The following FBXL4 variants were observed in gnomAD, a reference collection of about 807,000 sequenced individuals.
FBXL4 encodes F-box and leucine rich repeat protein 4.
In FBXL4, 40 loss-of-function variants were observed where a neutral mutation model predicts 58.9. The ratio of observed to expected loss-of-function variants is 0.68; its 90% CI spans 0.53 to 0.88. The LOEUF is 0.88. Ranked by LOEUF, FBXL4 falls within the 40% of genes least tolerant of loss-of-function variation. FBXL4 has a pLI of 0.00. For missense variants in FBXL4, 676 were observed against 734.4 expected (o/e 0.92, Z 0.92); for synonymous variants, 263 against 265.5 (o/e 0.99, Z 0.09).
chr6:98,915,615 A>G (rs1270422429), intron 5 of FBXL4, among the ~76,000 whole-genome samples: 1 of 152,104 alleles, frequency 6.6e-6, no homozygotes, highest in Non-Finnish European at 1.5e-5. Flanking sequence ...CTGGCTAGCC[A>G]TATGTAGAAA....
At chr6:98,917,106 G>C (rs1316307486) in intron 5 of FBXL4, among the ~76,000 whole-genome samples, 1 of 151,900 alleles carries the variant, frequency 6.6e-6, no homozygotes, top group Non-Finnish European at 1.5e-5. Context: ...CTTATTACTG[G>C]TTTTTGTATT....
intron 8 of FBXL4, among the ~76,000 whole-genome samples, chr6:98,879,799 C>T (rs183181): frequency 0.16 from 24,880 of 151,740 alleles, 2,309 homozygotes; most frequent in African/African-American, 0.26. Context: ...AAAAATTAGC[C>T]GGGCATAGTG....
intron 1 of FBXL4, among the ~76,000 whole-genome samples, chr6:98,946,456 G>C (rs1773622198): frequency 6.6e-6 from 1 of 152,210 alleles, no homozygotes; most frequent in African/African-American, 2.4e-5. Flanking sequence ...TTAAGATCGA[G>C]AATGTTAACC....
chr6:98,902,454 T>C (rs1030292906), intron 6 of FBXL4, among the ~76,000 whole-genome samples: 2 of 152,102 alleles, frequency 1.3e-5, no homozygotes, highest in African/African-American at 4.8e-5. Context: ...GACACAACTG[T>C]ATAAAATATA....
chr6:98,942,541 T>C (rs942343943), intron 1 of FBXL4, among the ~76,000 whole-genome samples: 1 of 152,036 alleles, frequency 6.6e-6, no homozygotes, highest in Non-Finnish European at 1.5e-5. Flanking sequence ...CATCCCCCAC[T>C]CTCTTCCTTC....
chr6:98,888,788 T>C (rs930476991), intron 7 of FBXL4, among the ~76,000 whole-genome samples: 2 of 152,242 alleles, frequency 1.3e-5, no homozygotes, highest in Non-Finnish European at 2.9e-5. Context: ...GGGTCCATGA[T>C]AATTTCTTCT....
At chr6:98,875,249 C>CT (rs889867863) in intron 9 of FBXL4, 166 bp downstream of exon 9, 1 of 663,710 alleles carries the variant, frequency 1.5e-6, no homozygotes, top group African/African-American at 1.8e-5. Flanking sequence ...TAATTATTCC[C>CT]TATATTAACT....
At chr6:98,917,821 G>T in intron 4 of FBXL4, 102 bp from the exon 5 acceptor site, 1 of 787,760 alleles carries the variant, frequency 1.3e-6, no homozygotes, top group Non-Finnish European at 1.9e-6. Context: ...GTGAAACAAA[G>T]TCATCAAAAT....
chr6:98,941,931 T>C (rs1158301406), intron 1 of FBXL4, among the ~76,000 whole-genome samples: 2 of 151,930 alleles, frequency 1.3e-5, no homozygotes, highest in African/African-American at 4.8e-5. Context: ...CAAACTAACT[T>C]AAAAAAATTC....
At chr6:98,891,282 C>A (rs1296960965) in intron 7 of FBXL4, among the ~76,000 whole-genome samples, 2 of 152,100 alleles carry the variant, frequency 1.3e-5, no homozygotes, top group Non-Finnish European at 2.9e-5. Flanking sequence ...AAAAGAAGTT[C>A]TCTAAACCTA....
chr6:98,897,350 C>T (rs540977658), intron 7 of FBXL4: 4 of 984,996 alleles, frequency 4.1e-6, no homozygotes, highest in African/African-American at 3.5e-5. Flanking sequence ...CCAATGAAAA[C>T]ACAGGCTAAT....
chr6:98,917,622 G>C lies in FBXL4; in HGVS notation c.610C>G (p.Leu204Val). The C allele has an allele frequency of 1.2e-6, 2 of 1,613,936 alleles. No individual in the cohort carries two copies. Among genetic ancestry groups the C allele is most frequent in the Non-Finnish European group, 1.7e-6 (2 of 1,179,888 alleles). Reference sequence around the variant, plus strand: ...GAACTATTTACTTCCAGTCGTATAAGATTTGTGGGGAAATTTATCTGCTTA... The same window carrying C: ...GAACTATTTACTTCCAGTCGTATAACATTTGTGGGGAAATTTATCTGCTTA... ...CIKQINFPTN[L>V]IRLEVNSSLL... Residue 204 changes from leucine (L) to valine (V), a missense_variant, in exon 5 of 10, where the codon CTT becomes GTT. Leu to Val is a conservative substitution (Grantham distance 32, BLOSUM62 1). Transcript: ENST00000369244.
Position 98,928,155 on chromosome 6 carries a change from CTCTCTCAGT to C in FBXL4, c.-190-342_-190-334del, listed in dbSNP as rs1273964468. Among the ~76,000 whole-genome samples, 3 of 152,116 alleles carry C rather than the reference CTCTCTCAGT, an allele frequency of 2.0e-5. No homozygotes were observed. In the East Asian group the frequency reaches 5.8e-4, roughly 29 times the overall value. On this transcript the variant is annotated intron_variant, in intron 2 of 9. Coordinates refer to ENST00000369244, the MANE Select transcript of FBXL4 (RefSeq NM_001278716.2). ...TCAACAAGATCCCAAGAGGCATGAG[CTCTCTCAGT>C]GGCCACTCTCGTTCCCAGCCAGCTC... is the stretch of plus-strand genomic sequence containing the variant.
chr6:98,886,704 G>A (rs1486985635), intron 7 of FBXL4, among the ~76,000 whole-genome samples: 2 of 152,130 alleles, frequency 1.3e-5, no homozygotes, highest in East Asian at 1.9e-4. Context: ...GTGGCACTGC[G>A]GATACTGCAG....
intron 7 of FBXL4, among the ~76,000 whole-genome samples, chr6:98,888,558 A>G (rs1771117085): frequency 6.6e-6 from 1 of 152,054 alleles, no homozygotes; most frequent in East Asian, 1.9e-4. Flanking sequence ...TTTAAGACAT[A>G]AAGTATCTTT....
At chr6:98,891,247 AAGTTCCTTAC>A (rs1186301962) in intron 7 of FBXL4, among the ~76,000 whole-genome samples, 1 of 152,088 alleles carries the variant, frequency 6.6e-6, no homozygotes, top group Non-Finnish European at 1.5e-5. Context: ...AAAATTAATA[AAGTTCCTTAC>A]ACTGCCTTTG....
chr6:98,933,149 T>A (rs965591426), intron 2 of FBXL4, among the ~76,000 whole-genome samples: 1 of 152,188 alleles, frequency 6.6e-6, no homozygotes, highest in African/African-American at 2.4e-5. Context: ...GGAATGATAA[T>A]GTGAATTTGA....
At chr6:98,897,595 G>A (rs1275019489) in intron 7 of FBXL4, among the ~76,000 whole-genome samples, 1 of 152,168 alleles carries the variant, frequency 6.6e-6, no homozygotes, top group African/African-American at 2.4e-5. Context: ...AAATACCTGA[G>A]GGTGGGTAGC....
Position 98,874,307 on chromosome 6 carries a change from C to G in FBXL4, c.1837G>C (p.Val613Leu). Reference protein sequence around the residue: ...VLELNASFPKVFIKKSFTQ With the variant: ...VLELNASFPKLFIKKSFTQ ...TGAGTAAAGCTCTTTTTTATGAACA[C>G]TTTTGGAAAGCTTGCATTCAGTTCT... The change falls in exon 10 of 10, where the codon GTG (valine) becomes CTG (leucine). Residue 613 changes from valine (V) to leucine (L), a missense_variant. Transcript: ENST00000369244. 6.2e-7 allele frequency: 1 copy of G among 1,604,716 alleles called. No individual in the cohort carries two copies. Among genetic ancestry groups the G allele is most frequent in the Non-Finnish European group, 8.5e-7 (1 of 1,177,530 alleles).
Sources: gnomAD v4.1 joint callset for allele counts (sites outside exome capture counted in the v4.1 genomes callset) on GRCh38, gnomAD v4.1.1 for gene constraint, MANE v1.5 for transcripts, NCBI Gene and HGNC (gene_info 2026-07-23, HGNC 2026-07-21) for gene names.